The following DENND4C variants were observed in gnomAD, a reference collection of about 807,000 sequenced individuals.
DENND4C encodes DENN domain containing 4C, also known as DENN domain-containing protein 4C.
A neutral mutation model predicts 203.0 loss-of-function variants in DENND4C; 108 were observed. The observed-to-expected ratio is 0.53, with a 90% CI of 0.46 to 0.62. DENND4C has a LOEUF of 0.62. Among genes scored for constraint, DENND4C ranks in the 20% least tolerant of loss-of-function variants. The pLI, the probability that DENND4C is intolerant of heterozygous loss-of-function variation, is 0.00. For missense variants in DENND4C, 2,481 were observed against 2,301.2 expected, an observed-to-expected ratio of 1.08 and a Z score of -1.60; for synonymous variants, 871 against 792.4, an observed-to-expected ratio of 1.10 and a Z score of -1.67.
At chr9:19,293,188 T>G (rs1836727322) in intron 5 of DENND4C, among the ~76,000 whole-genome samples, 1 of 152,182 alleles carries the variant, frequency 6.6e-6, no homozygotes, top group African/African-American at 2.4e-5. Context: ...GCTTTGGCAG[T>G]AGAGAACAAT....
At chr9:19,361,033 C>G (rs896700862) in intron 29 of DENND4C, among the ~76,000 whole-genome samples, 1 of 152,108 alleles carries the variant, frequency 6.6e-6, no homozygotes, top group Non-Finnish European at 1.5e-5. Context: ...ACCACCACAT[C>G]CAGTTAATTT....
In DENND4C at chr9:19,346,638, A is replaced by G; in HGVS notation, c.3869A>G (p.Asn1290Ser). Residue 1290 changes from asparagine (N) to serine (S), a missense_variant, in exon 23 of 33, where the codon AAC (asparagine) becomes AGC (serine). By Grantham distance (46) the Asn-to-Ser change is conservative (BLOSUM62 1). Transcript: ENST00000434457. ...NLADEIESYMNLKSPLGSKSS... is the reference protein window; with the variant it reads ...NLADEIESYMSLKSPLGSKSS... Reference sequence around the variant, plus strand: ...GCTGATGAAATAGAAAGCTATATGAACCTAAAAAGTCCCCTAGGTAGTAAA... The same window carrying G: ...GCTGATGAAATAGAAAGCTATATGAGCCTAAAAAGTCCCCTAGGTAGTAAA... 6.2e-7 allele frequency: 1 copy of G among 1,614,104 alleles called. No individual in the cohort carries two copies. The highest frequency in any genetic ancestry group is 8.5e-7 in the Non-Finnish European group (1 of 1,180,038).
At chr9:19,276,639 C>T in intron 2 of DENND4C, 160 bp downstream of exon 2, 3 of 432,600 alleles carry the variant, frequency 6.9e-6, no homozygotes, top group Non-Finnish European at 1.2e-5. Flanking sequence ...TAATATATTA[C>T]ATGCCAGTAT....
rs1373769692 is a variant in DENND4C at position 19,316,683 on chromosome 9, T to C, written c.1651T>C (p.Trp551Arg). ...DMTPIEADFS[W>R]QKKMTQLEME... The stretch of plus-strand genomic sequence containing the variant: ...GACTCCAATTGAAGCAGATTTCTCC[T>C]GGCAAAAGAAGATGACACAGCTTGA... The change falls in exon 12 of 33, where the codon TGG (tryptophan) becomes CGG (arginine). Residue 551 changes from tryptophan (W) to arginine (R), a missense_variant. By Grantham distance (101) the Trp-to-Arg change is moderately radical. Coordinates refer to ENST00000434457, the MANE Select transcript of DENND4C (RefSeq NM_001330640.2). The C allele has an allele frequency of 6.2e-7, 1 of 1,614,138 alleles. No individual in the cohort carries two copies. The highest frequency in any genetic ancestry group is 2.2e-5 in the East Asian group (1 of 44,872).
At chr9:19,314,163 C>G (rs1841301407) in intron 10 of DENND4C, among the ~76,000 whole-genome samples, 1 of 151,908 alleles carries the variant, frequency 6.6e-6, no homozygotes, top group South Asian at 2.1e-4. Flanking sequence ...GAACAAAAGA[C>G]TACACATGAG....
intron 1 of DENND4C, among the ~76,000 whole-genome samples, chr9:19,266,628 G>A (rs1032095616): frequency 8.5e-5 from 13 of 152,126 alleles, no homozygotes; most frequent in African/African-American, 3.1e-4. Flanking sequence ...CCAAAACAGA[G>A]ATATAGACCA....
chr9:19,269,302 A>T (rs926922088), intron 1 of DENND4C, among the ~76,000 whole-genome samples: 1 of 152,142 alleles, frequency 6.6e-6, no homozygotes, highest in East Asian at 1.9e-4. Flanking sequence ...CTGGAATTAC[A>T]GGTGCCCGCT....
intron 16 of DENND4C, 125 bp from the exon 17 acceptor site, chr9:19,331,853 A>C (rs1378410866): frequency 2.4e-6 from 2 of 836,796 alleles, no homozygotes; most frequent in Non-Finnish European, 3.7e-6. Context: ...ACAAAAGTCA[A>C]CTTTGAAGTG....
At chr9:19,345,245 A>G (rs1486332592) in intron 22 of DENND4C, among the ~76,000 whole-genome samples, 1 of 152,194 alleles carries the variant, frequency 6.6e-6, no homozygotes, top group South Asian at 2.1e-4. Context: ...GGAAGCTGCT[A>G]TGGCCATTAG....
At chr9:19,319,873 C>A (rs965878908) in intron 12 of DENND4C, among the ~76,000 whole-genome samples, 6 of 152,048 alleles carry the variant, frequency 3.9e-5, no homozygotes, top group African/African-American at 1.4e-4. Flanking sequence ...ATATTAGTGT[C>A]CTAAGGTATC....
chr9:19,283,720 C>CCAGTAGCTG (rs1834619876), intron 2 of DENND4C, among the ~76,000 whole-genome samples: 2 of 151,114 alleles, frequency 1.3e-5, no homozygotes, highest in Non-Finnish European at 3.0e-5. Context: ...CCCACCCCCG[C>CCAGTAGCTG]CAGTAGCTGG....
chr9:19,349,710 T>C (rs891240874), intron 23 of DENND4C, among the ~76,000 whole-genome samples: 1 of 152,204 alleles, frequency 6.6e-6, no homozygotes, highest in African/African-American at 2.4e-5. Context: ...TTATATAAGA[T>C]TGAAGCATTT....
chr9:19,351,051 C>T (rs1024409290), intron 24 of DENND4C, among the ~76,000 whole-genome samples, 172 bp downstream of exon 24: 2 of 152,114 alleles, frequency 1.3e-5, no homozygotes, highest in Non-Finnish European at 2.9e-5. Flanking sequence ...GCGTGAGCCA[C>T]AGCGCCTGGC....
At chr9:19,336,530 T>C in intron 19 of DENND4C, 116 bp downstream of exon 19, 1 of 1,442,896 alleles carries the variant, frequency 6.9e-7, no homozygotes, top group Non-Finnish European at 9.2e-7. Context: ...TTCACATACA[T>C]TTAAAGACAG....
rs1563855036 is a variant in DENND4C at position 19,374,048 on chromosome 9, T to C, written c.*1875T>C. Among the ~76,000 whole-genome samples the C allele has an allele frequency of 6.6e-6, 1 of 152,208 alleles. No individual in the cohort carries two copies. Among genetic ancestry groups the C allele is most frequent in the Non-Finnish European group, 1.5e-5 (1 of 68,036 alleles). ...ACTCAAGACTTGGTACTAGTTTTAA[T>C]ACTTAACACTTACTGACCCAACAGA... On this transcript the variant is annotated 3_prime_UTR_variant, in exon 33 of 33. Coordinates refer to ENST00000434457, the MANE Select transcript of DENND4C (RefSeq NM_001330640.2).
At chr9:19,266,387 AT>A (rs36093394) in intron 1 of DENND4C, among the ~76,000 whole-genome samples, 27,615 of 151,884 alleles carry the variant, frequency 0.18, 2,577 homozygotes, top group Admixed American at 0.21. Flanking sequence ...GATTGTAAAA[AT>A]TTTCTCCTGT....
At chr9:19,281,172 C>T (rs549753764) in intron 2 of DENND4C, among the ~76,000 whole-genome samples, 20 of 152,134 alleles carry the variant, frequency 1.3e-4, no homozygotes, top group Non-Finnish European at 2.5e-4. Flanking sequence ...TGATGACTTA[C>T]GTAATTATAT....
chr9:19,323,238 C>A (rs1588919196), intron 12 of DENND4C, among the ~76,000 whole-genome samples: 1 of 152,142 alleles, frequency 6.6e-6, no homozygotes, highest in Admixed American at 6.6e-5. Context: ...TCAAGACCAG[C>A]CTGGCCAACA....
chr9:19,282,161 T>C (rs1161932159), intron 2 of DENND4C, among the ~76,000 whole-genome samples: 1 of 40,224 alleles, frequency 2.5e-5, no homozygotes, highest in Non-Finnish European at 7.7e-5. Context: ...TTTAAAACAC[T>C]TACCATACAG....
Sources: gnomAD v4.1 joint callset for allele counts (sites outside exome capture counted in the v4.1 genomes callset) on GRCh38, gnomAD v4.1.1 for gene constraint, MANE v1.5 for transcripts, NCBI Gene and HGNC (gene_info 2026-07-23, HGNC 2026-07-21) for gene names.